The following FBXO38 variants were observed in gnomAD, a reference collection of about 807,000 sequenced individuals.
FBXO38 encodes F-box protein 38.
FBXO38 carries 53 observed loss-of-function variants against 131.9 expected under a neutral mutation model. That is an observed-to-expected ratio of 0.40 (90% CI 0.32 to 0.51). FBXO38 has a LOEUF of 0.51. FBXO38 is among the 20% of genes least tolerant of loss of function. The pLI is 0.53. For synonymous variants in FBXO38, 452 were observed against 505.6 expected, an observed-to-expected ratio of 0.89 and a Z score of 1.42; for missense variants, 1,076 against 1,475.6, an observed-to-expected ratio of 0.73 and a Z score of 4.44.
intron 1 of FBXO38, chr5:148,384,972 C>T (rs899703215): frequency 6.6e-6 from 1 of 152,110 alleles, no homozygotes; most frequent in Non-Finnish European, 1.5e-5. Context: ...ATTTTTTTAT[C>T]TGCTAAAGGA....
At position 148,427,758 on chromosome 5, in the gene FBXO38, C is replaced by G; in HGVS notation, c.2464C>G (p.Gln822Glu). Reference protein sequence around the residue: ...RSAFSFRTLPQGGSSGPAHDE... With the variant: ...RSAFSFRTLPEGGSSGPAHDE... ...CGCCTTTTCCTTTAGGACTCTGCCA[C>G]AAGGGGGGTCTTCAGGCCCAGCACA... is the stretch of plus-strand genomic sequence containing the variant. The change falls in exon 15 of 22, where the codon CAA becomes GAA. Residue 822 changes from glutamine (Q) to glutamate (E), a missense_variant. Transcript: ENST00000340253. The G allele has an allele frequency of 1.2e-6, 2 of 1,612,384 alleles. No homozygotes were observed. The highest frequency in any genetic ancestry group is 2.2e-5 in the South Asian group (2 of 90,824).
At position 148,398,933 on chromosome 5, in the gene FBXO38, A is replaced by G. The variant is rs114174259; in HGVS notation, c.129-66A>G. On this transcript the variant is annotated intron_variant, in intron 2 of 21. Coordinates refer to ENST00000340253, the MANE Select transcript of FBXO38 (RefSeq NM_205836.3). Reference sequence around the variant, plus strand: ...TAGGAGATTGGAAGAAGGAAAAAAAAATAACTTACTGGTGAGAAGTAATAC... The same window carrying G: ...TAGGAGATTGGAAGAAGGAAAAAAAGATAACTTACTGGTGAGAAGTAATAC... 1,784 of 1,568,882 alleles carry G rather than the reference A, an allele frequency of 1.1e-3. 18 individuals carry two copies. In the African/African-American group the frequency reaches 0.023, roughly 20 times the overall value.
chr5:148,402,830 G>C (rs545773095), intron 5 of FBXO38, among the ~76,000 whole-genome samples: 1 of 152,024 alleles, frequency 6.6e-6, no homozygotes, highest in African/African-American at 2.4e-5. Flanking sequence ...AAAGGAATTC[G>C]GGGGTCCCTG....
At chr5:148,403,722 A>G (rs1752289192) in intron 5 of FBXO38, among the ~76,000 whole-genome samples, 1 of 152,206 alleles carries the variant, frequency 6.6e-6, no homozygotes, top group Non-Finnish European at 1.5e-5. Context: ...CAATAAGAAC[A>G]TTTGGTAGAA....
At chr5:148,414,417 T>C in intron 10 of FBXO38, 111 bp downstream of exon 10, 3 of 1,006,540 alleles carry the variant, frequency 3.0e-6, no homozygotes, top group Non-Finnish European at 4.3e-6. Context: ...TGTAGGTATT[T>C]CATTTGGATT....
rs748825983 is a variant in FBXO38, at chr5:148,438,515, CT to C, written c.3024+20del. 6.2e-7 allele frequency: 1 copy of C among 1,605,472 alleles called. No homozygotes were observed. The highest frequency in any genetic ancestry group is 1.3e-5 in the African/African-American group (1 of 74,336). ...ATGCAGCAGGTAACGAGCTTTGCTT[CT>C]TTCCGATGATACACATATTGTGGTG... On this transcript the variant is annotated intron_variant, in intron 18 of 21. Coordinates refer to ENST00000340253, the MANE Select transcript of FBXO38 (RefSeq NM_205836.3).
chr5:148,439,460 CAG>C (rs940538042), intron 18 of FBXO38, among the ~76,000 whole-genome samples, 185 bp from the exon 19 acceptor site: 4 of 151,428 alleles, frequency 2.6e-5, no homozygotes, highest in Non-Finnish European at 4.4e-5. Context: ...GTTCCCTAGA[CAG>C]AAGAATTTGC....
intron 17 of FBXO38, among the ~76,000 whole-genome samples, chr5:148,437,525 A>G (rs1277314799): frequency 6.6e-6 from 1 of 152,200 alleles, no homozygotes; most frequent in Admixed American, 6.5e-5. Context: ...TGTCTGTGAA[A>G]TGTTAAGATC....
At chr5:148,409,346 A>G in intron 8 of FBXO38, 129 bp downstream of exon 8, 1 of 666,956 alleles carries the variant, frequency 1.5e-6, no homozygotes, top group African/African-American at 1.8e-5. Flanking sequence ...CAAATTTAAA[A>G]TACGAAGAAG....
At chr5:148,433,188 G>T (rs763068959) in intron 15 of FBXO38, 8 of 376,898 alleles carry the variant, frequency 2.1e-5, no homozygotes, top group Non-Finnish European at 2.9e-5. Context: ...AGATTATTAG[G>T]ATGACCTAGG....
At chr5:148,424,189 G>A in intron 13 of FBXO38, 72 bp downstream of exon 13, 2 of 1,459,760 alleles carry the variant, frequency 1.4e-6, no homozygotes, top group Non-Finnish European at 1.9e-6. Context: ...ACATGAGACA[G>A]CGAGAATGAT....
rs747217685 is a variant in FBXO38 at position 148,402,392 on chromosome 5, A to G, written c.471A>G (p.Thr157=). The G allele has an allele frequency of 7.4e-6, 12 of 1,612,632 alleles. No homozygotes were observed. The East Asian group carries it at 1.3e-4, about 18-fold the overall frequency. ...TGGAGTTGGTAGAATCCATTTGGACATATATGCCCCATGTTCATATTTTGG... is the reference window on the plus strand; with the variant it reads ...TGGAGTTGGTAGAATCCATTTGGACGTATATGCCCCATGTTCATATTTTGG... The part of the protein sequence containing the change: ...SHLELVESIW[T]YMPHVHILGK... Residue 157 remains threonine (T), a synonymous_variant, in exon 5 of 22, where the codon ACA becomes ACG. Coordinates refer to ENST00000340253, the MANE Select transcript of FBXO38 (RefSeq NM_205836.3).
intron 15 of FBXO38, among the ~76,000 whole-genome samples, chr5:148,432,850 G>A (rs921060701): frequency 1.1e-4 from 17 of 152,188 alleles, no homozygotes; most frequent in African/African-American, 3.9e-4. Context: ...AATGTTTGAG[G>A]ATCCAGGGTG....
At chr5:148,423,569 G>T (rs946023471) in intron 12 of FBXO38, among the ~76,000 whole-genome samples, 1 of 152,142 alleles carries the variant, frequency 6.6e-6, no homozygotes, top group Non-Finnish European at 1.5e-5. Flanking sequence ...GATATTGCAG[G>T]CTAGAGCTGG....
Position 148,402,509 on chromosome 5 carries a change from A to T in FBXO38, c.588A>T (p.Leu196Phe). ...PIGAKIQTLH[L>F]VGVNVPEIPC... ...GAGCCAAAATTCAAACTTTACATTT[A>T]GTTGGTGAGTACATGTTTCTTGGGT... Residue 196 changes from leucine (L) to phenylalanine (F), a missense_variant, in exon 5 of 22, where the codon TTA becomes TTT. Around this residue, in one of 8 missense-constraint regions of FBXO38, gnomAD observed 96 missense variants for 193.9 expected, o/e 0.50. Transcript: ENST00000340253. 6.2e-7 allele frequency: 1 copy of T among 1,606,938 alleles called. No individual in the cohort carries two copies. The highest frequency in any genetic ancestry group is 2.2e-5 in the East Asian group (1 of 44,730).
chr5:148,433,096 T>C (rs1406379445), intron 15 of FBXO38: 1 of 207,654 alleles, frequency 4.8e-6, no homozygotes, highest in African/African-American at 2.4e-5. Flanking sequence ...AAAAGTTTTT[T>C]AGTAGGAAAG....
intron 9 of FBXO38, 101 bp from the exon 10 acceptor site, chr5:148,414,035 G>A (rs1752915341): frequency 1.8e-6 from 2 of 1,116,236 alleles, no homozygotes; most frequent in African/African-American, 3.2e-5. Flanking sequence ...CAGAATGATG[G>A]TAGAGACTTT....
intron 2 of FBXO38, 82 bp from the exon 3 acceptor site, chr5:148,398,917 G>C (rs1751981597): frequency 6.8e-7 from 1 of 1,479,794 alleles, no homozygotes; most frequent in Non-Finnish European, 9.3e-7. Context: ...GTAGGAGATT[G>C]GAAGAAGGAA....
chr5:148,426,052 A>G (rs1437822688), intron 14 of FBXO38, among the ~76,000 whole-genome samples: 3 of 152,192 alleles, frequency 2.0e-5, no homozygotes, highest in Admixed American at 6.5e-5. Flanking sequence ...ACCATTCCCC[A>G]GTTGATAATC....
Sources: gnomAD v4.1 joint callset for allele counts (sites outside exome capture counted in the v4.1 genomes callset) on GRCh38, gnomAD v4.1.1 for gene constraint, gnomAD v4.1.1 regional missense constraint, MANE v1.5 for transcripts, NCBI Gene and HGNC (gene_info 2026-07-23, HGNC 2026-07-21) for gene names.